Variants in ABLIM1 observed in about 807,000 individuals in gnomAD.
ABLIM1 encodes actin-binding LIM protein 1.
A neutral mutation model predicts 107.0 loss-of-function variants in ABLIM1; 40 were observed. The observed-to-expected ratio is 0.37, with a 90% CI of 0.29 to 0.49. ABLIM1 has a LOEUF of 0.49. ABLIM1 is among the 20% of genes least tolerant of loss of function. The pLI is 0.97. For missense variants in ABLIM1, 857 were observed against 1,008.5 expected, an observed-to-expected ratio of 0.85 and a Z score of 2.04; for synonymous variants, 357 against 357.3, an observed-to-expected ratio of 1.00 and a Z score of 0.01.
At chr10:114,718,837 T>C (rs2081768021) in intron 1 of ABLIM1, among the ~76,000 whole-genome samples, 1 of 152,216 alleles carries the variant, frequency 6.6e-6, no homozygotes, top group African/African-American at 2.4e-5. Flanking sequence ...AGAGTATGTA[T>C]GGTTGCTTTC....
intron 1 of ABLIM1, among the ~76,000 whole-genome samples, chr10:114,748,976 G>C (rs995909414): frequency 2.6e-5 from 4 of 152,014 alleles, no homozygotes; most frequent in Non-Finnish European, 5.9e-5. Flanking sequence ...CCCAGCAAGC[G>C]GCTGAGATTT....
At chr10:114,598,582 G>A (rs2075681109) in intron 2 of ABLIM1, among the ~76,000 whole-genome samples, 2 of 145,862 alleles carry the variant, frequency 1.4e-5, no homozygotes, top group Non-Finnish European at 3.0e-5. Context: ...GTGAGACTCT[G>A]TATCAAACAA....
Position 114,545,138 on chromosome 10 carries a change from C to T in ABLIM1, c.801-40G>A, listed in dbSNP as rs1217174060. 1.9e-6 allele frequency: 3 copies of T among 1,593,720 alleles called. No individual in the cohort carries two copies. The Admixed American group carries it at 5.0e-5, about 27-fold the overall frequency. Reference sequence around the variant, plus strand: ...CGTGTTCGGCTCCTGAGGAGGTGGCCAGGGGCTGGAGAAGACACCAAAACC... The same window carrying T: ...CGTGTTCGGCTCCTGAGGAGGTGGCTAGGGGCTGGAGAAGACACCAAAACC... On this transcript the variant is annotated intron_variant, in intron 5 of 22. Coordinates refer to ENST00000533213, the MANE Select transcript of ABLIM1 (RefSeq NM_002313.7).
intron 1 of ABLIM1, among the ~76,000 whole-genome samples, chr10:114,715,931 GC>G (rs910729199): frequency 3.3e-5 from 5 of 152,140 alleles, no homozygotes; most frequent in African/African-American, 4.8e-5. Context: ...GTTATACACT[GC>G]CCTAGACATT....
At chr10:114,575,305 A>G in intron 3 of ABLIM1, 111 bp downstream of exon 3, 3 of 1,195,842 alleles carry the variant, frequency 2.5e-6, no homozygotes, top group Non-Finnish European at 3.5e-6. Context: ...ATCTAAGGAT[A>G]AGAGTATGTG....
Position 114,707,114 on chromosome 10 carries a change from A to C in ABLIM1, c.-213+60947T>G, listed in dbSNP as rs2081439497. Among the ~76,000 whole-genome samples, 1 of 152,236 alleles carries C rather than the reference A, an allele frequency of 6.6e-6. No individual in the cohort carries two copies. The highest frequency in any genetic ancestry group is 6.5e-5 in the Admixed American group (1 of 15,278). On this transcript the variant is annotated intron_variant, in intron 1 of 15. Coordinates refer to the ABLIM1 transcript ENST00000651092. The surrounding 1 kb of genome is among the most constrained non-coding windows in gnomAD (Gnocchi z 4.1). ...ATTTTTAAGATTTTTATTTAACCTA[A>C]TATATCAAAAATACTGTCATTTCAA...
intron 1 of ABLIM1, among the ~76,000 whole-genome samples, chr10:114,639,629 C>T (rs1200534787): frequency 1.3e-5 from 2 of 152,234 alleles, no homozygotes; most frequent in African/African-American, 4.8e-5. Flanking sequence ...GCGGCAGCTT[C>T]ATGGCATGTA....
chr10:114,644,306 A>AAAAAAAAAAAAAT (rs1408072252), intron 1 of ABLIM1, among the ~76,000 whole-genome samples: 1 of 52,254 alleles, frequency 1.9e-5, no homozygotes, highest in Non-Finnish European at 3.1e-5. Context: ...AAAAAAAAAA[A>AAAAAAAAAAAAAT]ATATATATAT....
chr10:114,768,308 C>G (rs1213657113), upstream of ABLIM1, among the ~76,000 whole-genome samples: 1 of 146,684 alleles, frequency 6.8e-6, no homozygotes, highest in African/African-American at 2.5e-5. Context: ...CCGCGCTGGG[C>G]GGGGCGCGCC....
Position 114,763,323 on chromosome 10 carries a change from A to T in ABLIM1, c.-213+4738T>A, listed in dbSNP as rs545063123. ...AATTCCAGCCTGTTTGAATTTAAAC[A>T]TACTGTATTAATTTATAATTTAATA... On this transcript the variant is annotated intron_variant, in intron 1 of 15. Transcript: ENST00000651092. 2.0e-5 allele frequency among the ~76,000 whole-genome samples: 3 copies of T among 152,108 alleles called. No homozygotes were observed. The South Asian group carries it at 6.2e-4, about 32-fold the overall frequency.
intron 1 of ABLIM1, chr10:114,764,740 A>G (rs2082843217): frequency 6.6e-6 from 1 of 152,272 alleles, no homozygotes; most frequent in Non-Finnish European, 1.5e-5. Context: ...TCTGCTAAGC[A>G]GTGTTCTCCC....
chr10:114,759,988 A>T (rs1384893759), intron 1 of ABLIM1, among the ~76,000 whole-genome samples: 1 of 152,202 alleles, frequency 6.6e-6, no homozygotes, highest in Non-Finnish European at 1.5e-5. Flanking sequence ...CCCAACCTTA[A>T]CCACAAATTC....
chr10:114,743,993 GA>G (rs1222942428), intron 1 of ABLIM1, among the ~76,000 whole-genome samples: 4 of 152,228 alleles, frequency 2.6e-5, no homozygotes. Context: ...ATTTCTGTAT[GA>G]ACCACCAGGA....
intron 2 of ABLIM1, among the ~76,000 whole-genome samples, chr10:114,589,112 A>G (rs1291556733): frequency 6.6e-6 from 1 of 152,160 alleles, no homozygotes; most frequent in Non-Finnish European, 1.5e-5. Flanking sequence ...TTTTAAAAAC[A>G]CAAATTTTAA....
At chr10:114,535,442 C>G (rs940000270) in intron 6 of ABLIM1, among the ~76,000 whole-genome samples, 1 of 152,148 alleles carries the variant, frequency 6.6e-6, no homozygotes, top group Non-Finnish European at 1.5e-5. Context: ...TCCTGAGTAG[C>G]TGGGATTACA....
the ABLIM1 span, among the ~76,000 whole-genome samples, chr10:114,774,476 G>A: frequency 6.6e-6 from 1 of 152,146 alleles, no homozygotes; most frequent in African/African-American, 2.4e-5. Context: ...GAAACTATGT[G>A]GAGAAAGAGC....
In ABLIM1 at chr10:114,485,156, G is replaced by A; in HGVS notation, c.1041+2802C>T. 5 of 536,386 alleles carry A rather than the reference G, an allele frequency of 9.3e-6. No individual in the cohort carries two copies. In the South Asian group the frequency reaches 1.6e-4, roughly 18 times the overall value. The allele number at this position is 536,386 out of a possible 1,614,324, so 33.2% of individuals were successfully genotyped here. A position where few individuals can be genotyped will look rare whatever the true frequency, so the allele number is the denominator to read the frequency against. On this transcript the variant is annotated intron_variant, in intron 8 of 22. Coordinates refer to ENST00000533213, the MANE Select transcript of ABLIM1 (RefSeq NM_002313.7). ...AAGACAACAGCCAGAGTCAGTGTGA[G>A]AGGCGCTTGTGGTGTGAGAAAAGCA...
chr10:114,711,853 TCA>T (rs1249361018), intron 1 of ABLIM1, among the ~76,000 whole-genome samples: 2 of 151,978 alleles, frequency 1.3e-5, no homozygotes, highest in Non-Finnish European at 1.5e-5. Context: ...CCTCCCACCC[TCA>T]GATATCCTGC....
intron 1 of ABLIM1, among the ~76,000 whole-genome samples, chr10:114,679,810 C>T (rs1440907359): frequency 6.6e-6 from 1 of 152,136 alleles, no homozygotes; most frequent in Non-Finnish European, 1.5e-5. Context: ...TACTCTTTGG[C>T]TCTCTCATTC....
Sources: gnomAD v4.1 joint callset for allele counts (sites outside exome capture counted in the v4.1 genomes callset) on GRCh38, gnomAD v4.1.1 for gene constraint, Gnocchi (gnomAD v3.1) non-coding constraint, MANE v1.5 for transcripts, NCBI Gene and HGNC (gene_info 2026-07-23, HGNC 2026-07-21) for gene names.